Variants in CACNB2 observed in about 807,000 individuals in gnomAD.
The protein encoded by CACNB2 is voltage-dependent L-type calcium channel subunit beta-2.
CACNB2 carries 42 observed loss-of-function variants against 73.3 expected under a neutral mutation model. That is an observed-to-expected ratio of 0.57 (90% confidence interval 0.45 to 0.74). The LOEUF (loss-of-function observed/expected upper bound fraction) is 0.74, where lower values mean the gene tolerates loss of function less well. Among genes scored for constraint, CACNB2 ranks in the 30% least tolerant of loss-of-function variants. The pLI, the probability that CACNB2 is intolerant of heterozygous loss-of-function variation, is 0.00. For missense variants in CACNB2, 940 were observed against 853.0 expected (o/e 1.10, Z -1.27); for synonymous variants, 348 against 310.3 (o/e 1.12, Z -1.28).
chr10:18,505,180 G>C (rs1461984529), intron 5 of CACNB2, among the ~76,000 whole-genome samples: 1 of 148,840 alleles, frequency 6.7e-6, no homozygotes, highest in Non-Finnish European at 1.5e-5. Flanking sequence ...TATTTTGGCT[G>C]TTACTAAAAT....
intron 2 of CACNB2, among the ~76,000 whole-genome samples, chr10:18,336,328 G>A (rs750796537): frequency 1.3e-5 from 2 of 152,164 alleles, no homozygotes; most frequent in African/African-American, 2.4e-5. Context: ...ATAAAATGAC[G>A]ACTTAGGGTG....
At chr10:18,374,994 C>T (rs905162274) in intron 2 of CACNB2, among the ~76,000 whole-genome samples, 17 of 152,140 alleles carry the variant, frequency 1.1e-4, no homozygotes, top group African/African-American at 3.4e-4. Context: ...GAAAGTTCTA[C>T]TTTCTCTGTT....
At chr10:18,320,098 C>A (rs1157689547) in intron 2 of CACNB2, among the ~76,000 whole-genome samples, 4 of 131,364 alleles carry the variant, frequency 3.0e-5, no homozygotes, top group Non-Finnish European at 7.4e-5. Context: ...TTCATGCCGA[C>A]CCCGCCACCC....
chr10:18,157,700 C>A (rs552256516), intron 2 of CACNB2, among the ~76,000 whole-genome samples: 1 of 152,122 alleles, frequency 6.6e-6, no homozygotes, highest in South Asian at 2.1e-4. Flanking sequence ...GTGATTGACT[C>A]CAGATTCTTG....
intron 3 of CACNB2, among the ~76,000 whole-genome samples, chr10:18,470,601 GTTGCATTGCATGGAGCCT>G (rs2048134302): frequency 6.6e-6 from 1 of 151,794 alleles, no homozygotes; most frequent in Admixed American, 6.6e-5. Flanking sequence ...ACCTGCTTCA[GTTGCATTGCATGGAGCCT>G]TTGCATACAG....
intron 3 of CACNB2, among the ~76,000 whole-genome samples, chr10:18,451,796 G>A (rs1002045889): frequency 7.2e-5 from 11 of 152,136 alleles, no homozygotes; most frequent in Non-Finnish European, 1.2e-4. Flanking sequence ...TGAAACCTGC[G>A]TTTTCATTGC....
At chr10:18,445,027 T>G (rs1285804961) in intron 3 of CACNB2, among the ~76,000 whole-genome samples, 1 of 152,226 alleles carries the variant, frequency 6.6e-6, no homozygotes, top group East Asian at 1.9e-4. Context: ...CACCAAGTGT[T>G]TGTTGCTCAT....
intron 2 of CACNB2, among the ~76,000 whole-genome samples, chr10:18,263,265 G>A (rs551178312): frequency 1.3e-5 from 2 of 152,282 alleles, no homozygotes; most frequent in Non-Finnish European, 2.9e-5. Flanking sequence ...CTGTAACGGA[G>A]ACTTTAGATT....
At chr10:18,277,461 G>A (rs866536714) in intron 2 of CACNB2, among the ~76,000 whole-genome samples, 7 of 152,152 alleles carry the variant, frequency 4.6e-5, no homozygotes, top group Admixed American at 1.3e-4. Flanking sequence ...GTTCTTTTCC[G>A]CCAAGTGGCC....
intron 2 of CACNB2, among the ~76,000 whole-genome samples, chr10:18,250,405 C>A (rs112634645): frequency 1.3e-5 from 2 of 152,220 alleles, no homozygotes; most frequent in African/African-American, 2.4e-5. Context: ...GTTCCTGCCT[C>A]AGGGCATTTG....
chr10:18,517,532 C>T (rs2051401267), intron 7 of CACNB2, among the ~76,000 whole-genome samples: 1 of 152,138 alleles, frequency 6.6e-6, no homozygotes, highest in Non-Finnish European at 1.5e-5. Flanking sequence ...CAGAAAACTA[C>T]TTTTGAGAAT....
chr10:18,334,935 C>T lies in CACNB2; in HGVS notation c.214-66989C>T, dbSNP rs137993140. 2.3e-3 allele frequency among the ~76,000 whole-genome samples: 349 copies of T among 152,144 alleles called. 3 individuals are homozygous for T. Among genetic ancestry groups the T allele is most frequent in the African/African-American group, 7.8e-3 (325 of 41,496 alleles). ...GACAAGGAGAAGCATTGTTTTGTTTCGTGCTTTCCTTTCACTGATTTTCTG... is the reference window on the plus strand; with the variant it reads ...GACAAGGAGAAGCATTGTTTTGTTTTGTGCTTTCCTTTCACTGATTTTCTG... On this transcript the variant is annotated intron_variant, in intron 2 of 13. Coordinates refer to ENST00000324631, the MANE Select transcript of CACNB2 (RefSeq NM_201596.3).
intron 7 of CACNB2, chr10:18,514,619 T>C (rs771976216): frequency 2.8e-5 from 42 of 1,475,002 alleles, no homozygotes; most frequent in Non-Finnish European, 3.9e-5. Flanking sequence ...CAATCATTTC[T>C]GTCCCAAGCA....
At chr10:18,385,794 A>G (rs1487501332) in intron 2 of CACNB2, among the ~76,000 whole-genome samples, 1 of 152,066 alleles carries the variant, frequency 6.6e-6, no homozygotes, top group Non-Finnish European at 1.5e-5. Context: ...TCACATTAGC[A>G]TGTATCGCTA....
intron 2 of CACNB2, among the ~76,000 whole-genome samples, chr10:18,377,725 CG>C (rs1470421854): frequency 6.6e-6 from 1 of 152,068 alleles, no homozygotes; most frequent in Non-Finnish European, 1.5e-5. Flanking sequence ...GTGGTTAGAG[CG>C]GGGAAGGTAT....
chr10:18,494,368 G>A (rs1470164878), intron 3 of CACNB2, among the ~76,000 whole-genome samples: 3 of 152,080 alleles, frequency 2.0e-5, no homozygotes, highest in East Asian at 3.9e-4. Context: ...GGTGGCTCAC[G>A]CCTGTAATCC....
At chr10:18,344,685 G>A (rs2041374031) in intron 2 of CACNB2, among the ~76,000 whole-genome samples, 1 of 152,058 alleles carries the variant, frequency 6.6e-6, no homozygotes, top group African/African-American at 2.4e-5. Flanking sequence ...AGTAATTAAA[G>A]TTTTTACCAC....
intron 2 of CACNB2, among the ~76,000 whole-genome samples, chr10:18,218,031 A>G (rs895326099): frequency 6.6e-6 from 1 of 152,130 alleles, no homozygotes; most frequent in Admixed American, 6.6e-5. Flanking sequence ...CATTCCCTGT[A>G]TTATATTTTG....
intron 1 of CACNB2, among the ~76,000 whole-genome samples, chr10:18,142,031 G>T (rs2030468891): frequency 6.6e-6 from 1 of 152,180 alleles, no homozygotes; most frequent in Non-Finnish European, 1.5e-5. Flanking sequence ...AGTAGTGGGG[G>T]CAGGAGTGTG....
Sources: gnomAD v4.1 joint callset for allele counts (sites outside exome capture counted in the v4.1 genomes callset) on GRCh38, gnomAD v4.1.1 for gene constraint, MANE v1.5 for transcripts, NCBI Gene and HGNC (gene_info 2026-07-23, HGNC 2026-07-21) for gene names.